The following MAN2B2 variants were observed in gnomAD, a reference collection of about 807,000 sequenced individuals.
The protein encoded by MAN2B2 is mannosidase alpha class 2B member 2, also known as epididymis-specific alpha-mannosidase.
In MAN2B2, 106 loss-of-function variants were observed where a neutral mutation model predicts 117.1. The ratio of observed to expected loss-of-function variants is 0.90; its 90% CI spans 0.77 to 1.06. The LOEUF (loss-of-function observed/expected upper bound fraction) is 1.06. MAN2B2 is among the 50% of genes least tolerant of loss of function. MAN2B2 has a pLI of 0.00. For missense variants in MAN2B2, 1,326 were observed against 1,381.4 expected (o/e 0.96, Z 0.64); for synonymous variants, 544 against 595.1 (o/e 0.91, Z 1.25).
At chr4:6,610,800 G>A in intron 13 of MAN2B2, 80 bp from the exon 14 acceptor site, 1 of 1,212,166 alleles carries the variant, frequency 8.2e-7, no homozygotes, top group South Asian at 1.2e-5. Context: ...GGGAGCACCA[G>A]CTGGGGTGGC....
intron 16 of MAN2B2, among the ~76,000 whole-genome samples, chr4:6,615,119 G>T (rs1711801223): frequency 6.6e-6 from 1 of 152,230 alleles, no homozygotes; most frequent in African/African-American, 2.4e-5. Context: ...AAAAGGGTGG[G>T]GCGCAGTGGC....
At chr4:6,577,891 C>T (rs1396356699) in intron 2 of MAN2B2, among the ~76,000 whole-genome samples, 1 of 152,200 alleles carries the variant, frequency 6.6e-6, no homozygotes, top group East Asian at 1.9e-4. Flanking sequence ...GTAGTAGGTG[C>T]TCACTTAACA....
chr4:6,611,023 T>G, intron 14 of MAN2B2, 33 bp downstream of exon 14: 1 of 1,613,364 alleles, frequency 6.2e-7, no homozygotes, highest in Non-Finnish European at 8.5e-7. Flanking sequence ...CAGCAGCCCC[T>G]CGCGGCCCCC....
intron 15 of MAN2B2, among the ~76,000 whole-genome samples, chr4:6,613,889 G>A (rs1711718233): frequency 6.6e-6 from 1 of 152,116 alleles, no homozygotes; most frequent in East Asian, 1.9e-4. Flanking sequence ...GAGAGAGAGA[G>A]GAGAGGGCTG....
rs1422900848 is a variant in MAN2B2 at position 6,586,992 on chromosome 4, G to GC, written c.392-3dup. The GC allele has an allele frequency of 6.2e-7, 1 of 1,612,214 alleles. No individual in the cohort carries two copies. Among genetic ancestry groups the GC allele is most frequent in the Non-Finnish European group, 8.5e-7 (1 of 1,178,916 alleles). On this transcript the variant is annotated splice_region_variant and splice_polypyrimidine_tract_variant and intron_variant, in intron 3 of 18. Coordinates refer to ENST00000285599, the MANE Select transcript of MAN2B2 (RefSeq NM_015274.3). The stretch of plus-strand genomic sequence containing the variant: ...GCACCAGCAGGGTGTTGCTGTCTTT[G>GC]CAGAAGGACACGGGTTTCTCTATGA...
At position 6,619,975 on chromosome 4, in the gene MAN2B2, C is replaced by T. The variant is rs1712084941; in HGVS notation, c.2863C>T (p.Leu955Phe). ...CGTGGTGGCAGTGGAGGAGCGCTCGCTCACAGGGACCTGGGATTTGAGCAT... is the reference window on the plus strand; with the variant it reads ...CGTGGTGGCAGTGGAGGAGCGCTCGTTCACAGGGACCTGGGATTTGAGCAT... Reference protein sequence around the residue: ...GSVVAVEERSLTGTWDLSMLH... With the variant: ...GSVVAVEERSFTGTWDLSMLH... Residue 955 changes from leucine to phenylalanine, a missense_variant, in exon 18 of 19, where the codon CTC becomes TTC. Coordinates refer to ENST00000285599, the MANE Select transcript of MAN2B2 (RefSeq NM_015274.3). 5 of 1,613,864 alleles carry T rather than the reference C, an allele frequency of 3.1e-6. No homozygotes were observed. The highest frequency in any genetic ancestry group is 2.7e-5 in the African/African-American group (2 of 74,918).
Position 6,593,287 on chromosome 4 carries a change from C to T in MAN2B2, c.795C>T (p.Ala265=), listed in dbSNP as rs762110357. The change falls in exon 6 of 19, where the codon GCC becomes GCT. Residue 265 remains alanine (A), a synonymous_variant. Coordinates refer to ENST00000285599, the MANE Select transcript of MAN2B2 (RefSeq NM_015274.3). ...TPANINLYAE[A]LVANVKQRAA... ...CCAACATCAACCTCTATGCCGAGGCCCTGGTGGCCAACGTGAAGCAGAGGG... is the reference window on the plus strand; with the variant it reads ...CCAACATCAACCTCTATGCCGAGGCTCTGGTGGCCAACGTGAAGCAGAGGG... 31 of 1,613,868 alleles carry T rather than the reference C, an allele frequency of 1.9e-5. No individual in the cohort carries two copies. Among genetic ancestry groups the T allele is most frequent in the Non-Finnish European group, 1.9e-5 (23 of 1,179,948 alleles).
chr4:6,584,312 T>TA (rs1470508618), intron 3 of MAN2B2, among the ~76,000 whole-genome samples: 1 of 152,224 alleles, frequency 6.6e-6, no homozygotes, highest in Non-Finnish European at 1.5e-5. Flanking sequence ...CTCATGTCCT[T>TA]ACCCTTGTGG....
chr4:6,585,128 C>T (rs1406295894), intron 3 of MAN2B2, among the ~76,000 whole-genome samples: 2 of 152,102 alleles, frequency 1.3e-5, no homozygotes, highest in South Asian at 4.1e-4. Flanking sequence ...TCCACGCTCC[C>T]CCTGATCCCC....
intron 15 of MAN2B2, among the ~76,000 whole-genome samples, chr4:6,613,308 G>A (rs545040740): frequency 6.6e-6 from 1 of 152,232 alleles, no homozygotes; most frequent in South Asian, 2.1e-4. Flanking sequence ...CAGGGTTCTG[G>A]CCGGACATGG....
intron 5 of MAN2B2, among the ~76,000 whole-genome samples, chr4:6,589,520 C>A (rs993421055): frequency 6.6e-6 from 1 of 152,162 alleles, no homozygotes; most frequent in African/African-American, 2.4e-5. Context: ...GGATTATAGG[C>A]ATGAGCCGCC....
chr4:6,591,235 G>A (rs189026041), intron 5 of MAN2B2, among the ~76,000 whole-genome samples: 90 of 152,266 alleles, frequency 5.9e-4, no homozygotes, highest in African/African-American at 2.0e-3. Flanking sequence ...CTTGTCTTGC[G>A]GAGCTGCCTC....
intron 5 of MAN2B2, among the ~76,000 whole-genome samples, chr4:6,590,889 C>T (rs1025880241): frequency 2.0e-5 from 3 of 152,198 alleles, no homozygotes; most frequent in African/African-American, 4.8e-5. Flanking sequence ...TGGCTCACAC[C>T]TGTAATCCCA....
intron 3 of MAN2B2, among the ~76,000 whole-genome samples, chr4:6,585,520 C>G (rs1479358218): frequency 1.3e-5 from 2 of 152,214 alleles, no homozygotes; most frequent in Non-Finnish European, 2.9e-5. Flanking sequence ...TATGGTGACT[C>G]TTAAGTAATA....
At chr4:6,597,398 A>C in intron 8 of MAN2B2, 95 bp downstream of exon 8, 1 of 1,285,844 alleles carries the variant, frequency 7.8e-7, no homozygotes, top group Non-Finnish European at 1.0e-6. Flanking sequence ...GCCCTGGGGC[A>C]CTAGAGGCCC....
In MAN2B2 at chr4:6,576,688, G is replaced by A. The variant is rs986413209; in HGVS notation, c.249G>A (p.Trp83Ter). 4.3e-6 allele frequency: 7 copies of A among 1,613,888 alleles called. No homozygotes were observed. Among genetic ancestry groups the A allele is most frequent in the Non-Finnish European group, 5.9e-6 (7 of 1,180,014 alleles). Reference sequence around the variant, plus strand: ...TGGAGCAGGAGTTTTTCCGGCTGTGGTGGGATGGCGTCGCCTCGGACCAGC... The same window carrying A: ...TGGAGCAGGAGTTTTTCCGGCTGTGATGGGATGGCGTCGCCTCGGACCAGC... ...IAVEQEFFRL[W>*]WDGVASDQQK... The change falls in exon 2 of 19, where the codon TGG becomes TGA. Residue 83 changes from tryptophan to a stop codon, truncating the protein, a stop_gained. Transcript: ENST00000285599. LOFTEE classifies it high-confidence loss of function.
chr4:6,589,465 T>A (rs1560642749), intron 5 of MAN2B2, among the ~76,000 whole-genome samples: 2 of 152,124 alleles, frequency 1.3e-5, no homozygotes, highest in African/African-American at 2.4e-5. Context: ...GGTCTCAAAC[T>A]CCTGACCTGA....
intron 7 of MAN2B2, among the ~76,000 whole-genome samples, chr4:6,596,622 C>G (rs1036490834): frequency 6.6e-6 from 1 of 152,140 alleles, no homozygotes; most frequent in South Asian, 2.1e-4. Flanking sequence ...ATCCATCCTC[C>G]CTGGACGCCC....
chr4:6,606,858 C>T (rs1458763608), intron 11 of MAN2B2, among the ~76,000 whole-genome samples: 1 of 152,160 alleles, frequency 6.6e-6, no homozygotes, highest in Non-Finnish European at 1.5e-5. Context: ...GGGTGGGAAG[C>T]CAAGGGTGCA....
Sources: gnomAD v4.1 joint callset for allele counts (sites outside exome capture counted in the v4.1 genomes callset) on GRCh38, gnomAD v4.1.1 for gene constraint, MANE v1.5 for transcripts, NCBI Gene and HGNC (gene_info 2026-07-23, HGNC 2026-07-21) for gene names.